FCRL5: variants seen among roughly 807,000 people sequenced by gnomAD.
FCRL5 encodes Fc receptor like 5.
Under a neutral mutation model 92.1 loss-of-function variants are expected in FCRL5, and 79 were observed. The ratio of observed to expected loss-of-function variants is 0.86; its 90% confidence interval spans 0.72 to 1.03. FCRL5 has a LOEUF of 1.03. FCRL5 is among the 50% of genes least tolerant of loss of function. The probability of loss-of-function intolerance (pLI) is 0.00; values close to 1 mark genes in which losing one functional copy is unlikely to be tolerated. For missense variants in FCRL5, 1,160 were observed against 1,181.1 expected (o/e 0.98, Z 0.26); for synonymous variants, 466 against 469.3 (o/e 0.99, Z 0.09).
chr1:157,523,334 G>A (rs1365450507), intron 10 of FCRL5, among the ~76,000 whole-genome samples: 1 of 152,188 alleles, frequency 6.6e-6, no homozygotes, highest in Non-Finnish European at 1.5e-5. Flanking sequence ...CTGTACGTCT[G>A]CATAATCCAT....
chr1:157,549,476 G>A lies in FCRL5; in HGVS notation c.52+84C>T, dbSNP rs148662860. On this transcript the variant is annotated intron_variant, in intron 2 of 16. Transcript: ENST00000361835. Reference sequence around the variant, plus strand: ...AAACAGGAGATATTGGAGATCTCAGGCAGCCATCACAAATGTTTTCTATTT... The same window carrying A: ...AAACAGGAGATATTGGAGATCTCAGACAGCCATCACAAATGTTTTCTATTT... 8,226 of 1,248,550 alleles carry A rather than the reference G, an allele frequency of 6.6e-3. 124 individuals carry two copies. Among genetic ancestry groups the A allele is most frequent in the South Asian group, 0.036 (2,713 of 75,460 alleles). 77.3% of individuals were successfully genotyped at this position (1,248,550 alleles called of 1,614,324 possible). A position where few individuals can be genotyped will look rare whatever the true frequency, so the allele number is the denominator to read the frequency against.
At chr1:157,548,742 A>C (rs1367023638) in intron 2 of FCRL5, among the ~76,000 whole-genome samples, 5 of 152,322 alleles carry the variant, frequency 3.3e-5, no homozygotes, top group South Asian at 2.1e-4. Context: ...GAGATACCAT[A>C]TCACACCAGT....
chr1:157,519,473 C>T (rs1650079830), intron 13 of FCRL5, among the ~76,000 whole-genome samples: 1 of 152,160 alleles, frequency 6.6e-6, no homozygotes, highest in African/African-American at 2.4e-5. Context: ...ATTCAGACAA[C>T]CAAGCCAACA....
chr1:157,548,817 A>G (rs1323204116), intron 2 of FCRL5, among the ~76,000 whole-genome samples: 1 of 152,224 alleles, frequency 6.6e-6, no homozygotes, highest in African/African-American at 2.4e-5. Context: ...AGAAATAGGA[A>G]CACTTTTACA....
chr1:157,531,393 C>T (rs1202306518), intron 8 of FCRL5, among the ~76,000 whole-genome samples: 9 of 152,064 alleles, frequency 5.9e-5, no homozygotes, highest in Admixed American at 3.3e-4. Context: ...GTACAGCCAC[C>T]ACAAGAAACA....
At chr1:157,519,392 T>C (rs1175793769) in intron 13 of FCRL5, among the ~76,000 whole-genome samples, 2 of 152,204 alleles carry the variant, frequency 1.3e-5, no homozygotes, top group African/African-American at 4.8e-5. Flanking sequence ...GATCAGCATC[T>C]CCAGAGATTT....
rs1164393632 is a variant in FCRL5 at position 157,515,448 on chromosome 1, C to G, written c.*227G>C. 10 of 803,898 alleles carry G rather than the reference C, an allele frequency of 1.2e-5. No individual in the cohort carries two copies. In the East Asian group the frequency reaches 2.8e-4, roughly 23 times the overall value. 49.8% of individuals were successfully genotyped at this position (803,898 alleles called of 1,614,324 possible). On this transcript the variant is annotated 3_prime_UTR_variant, in exon 17 of 17. Transcript: ENST00000361835. The stretch of plus-strand genomic sequence containing the variant: ...TGTGCTGGGCCCTGGAGTGGGAGCA[C>G]CTTGCCACTGGATTAAAAAACCTGC...
Position 157,527,690 on chromosome 1 carries a change from A to C in FCRL5, c.1887T>G (p.Ser629=). The change falls in exon 9 of 17, where the codon TCT becomes TCG. Residue 629 remains serine (S), a synonymous_variant. Coordinates refer to ENST00000361835, the MANE Select transcript of FCRL5 (RefSeq NM_031281.3). ...SFNLSLTAEH[S]GNYSCEANNG... ...TGTTGGCCTCACATGAGTAGTTTCC[A>C]GAATGTTCTGCAGTCAGAGAGAGGT... The C allele has an allele frequency of 6.2e-7, 1 of 1,614,218 alleles. No homozygotes were observed. Among genetic ancestry groups the C allele is most frequent in the Non-Finnish European group, 8.5e-7 (1 of 1,180,012 alleles).
intron 9 of FCRL5, among the ~76,000 whole-genome samples, 196 bp downstream of exon 9, chr1:157,527,421 T>C (rs1309480839): frequency 2.0e-5 from 3 of 152,170 alleles, no homozygotes; most frequent in Non-Finnish European, 4.4e-5. Context: ...GCAGGAAAAG[T>C]ACAGCAAGGG....
chr1:157,520,602 C>T, intron 11 of FCRL5, 55 bp from the exon 12 acceptor site: 1 of 1,395,258 alleles, frequency 7.2e-7, no homozygotes. Context: ...CTGGAACTGC[C>T]CGCTCCCGGA....
At chr1:157,520,321 G>A (rs1252194790) in intron 12 of FCRL5, 110 bp downstream of exon 12, 2 of 739,980 alleles carry the variant, frequency 2.7e-6, no homozygotes, top group African/African-American at 1.8e-5. Context: ...GAGGGACAGA[G>A]CGGATGAGCT....
chr1:157,517,742 C>A (rs554403532), intron 15 of FCRL5, among the ~76,000 whole-genome samples: 1 of 152,250 alleles, frequency 6.6e-6, no homozygotes, highest in African/African-American at 2.4e-5. Flanking sequence ...AATTTATGGT[C>A]ATTTGTCACA....
intron 1 of FCRL5, among the ~76,000 whole-genome samples, chr1:157,551,929 G>T (rs1329573842): frequency 2.6e-5 from 4 of 152,164 alleles, no homozygotes; most frequent in Non-Finnish European, 5.9e-5. Flanking sequence ...TGCCTCTTAT[G>T]CTGGGGACCA....
At chr1:157,547,894 A>T (rs1651632939) in intron 2 of FCRL5, among the ~76,000 whole-genome samples, 2 of 152,232 alleles carry the variant, frequency 1.3e-5, no homozygotes, top group Admixed American at 1.3e-4. Context: ...TGGGATGCAG[A>T]TAACTTGTCT....
At chr1:157,552,221 T>C in intron 1 of FCRL5, 111 bp downstream of exon 1, 1 of 1,058,660 alleles carries the variant, frequency 9.4e-7, no homozygotes, top group Non-Finnish European at 1.5e-6. Context: ...TCTCCTAATG[T>C]AGGAGAGAGT....
At chr1:157,545,360 C>T (rs1234866939) in intron 3 of FCRL5, among the ~76,000 whole-genome samples, 1 of 151,910 alleles carries the variant, frequency 6.6e-6, no homozygotes, top group African/African-American at 2.4e-5. Flanking sequence ...GGAGCTCATG[C>T]GTATTTCTTT....
rs769274846 is a variant in FCRL5 at position 157,524,525 on chromosome 1, C to T, written c.1993G>A (p.Ala665Thr). ...PVSRPILTFR[A>T]PRAQAVVGDL... Reference sequence around the variant, plus strand: ...CCCACCACAGCCTGGGCCCTGGGAGCCCTGAAGGTGAGGATGGGACGAGAT... The same window carrying T: ...CCCACCACAGCCTGGGCCCTGGGAGTCCTGAAGGTGAGGATGGGACGAGAT... The change falls in exon 10 of 17, where the codon GCT (alanine) becomes ACT (threonine). Residue 665 changes from alanine (A) to threonine (T), a missense_variant. Physicochemically the swap from Ala to Thr is moderately conservative, Grantham distance 58. Transcript: ENST00000361835. The T allele has an allele frequency of 4.3e-6, 7 of 1,612,258 alleles. No individual in the cohort carries two copies. The highest frequency in any genetic ancestry group is 1.7e-4 in the Middle Eastern group (1 of 6,044).
At position 157,518,312 on chromosome 1, in the gene FCRL5, AC is replaced by A. The variant is rs1414800098; in HGVS notation, c.2812+116del. On this transcript the variant is annotated intron_variant, in intron 15 of 16. Coordinates refer to ENST00000361835, the MANE Select transcript of FCRL5 (RefSeq NM_031281.3). ...TAGGCACACATAAAGAAGCCCCATG[AC>A]CCAGTGGGAGGGGCGGCTCTATGCC... 4.9e-6 allele frequency: 4 copies of A among 809,984 alleles called. No homozygotes were observed. The East Asian group carries it at 9.8e-5, about 20-fold the overall frequency. 50.2% of individuals were successfully genotyped at this position (809,984 alleles called of 1,614,324 possible).
Position 157,547,030 on chromosome 1 carries a change from T to C in FCRL5, c.220A>G (p.Ile74Val). The C allele has an allele frequency of 1.9e-6, 3 of 1,614,130 alleles. No individual in the cohort carries two copies. The highest frequency in any genetic ancestry group is 2.5e-6 in the Non-Finnish European group (3 of 1,179,986). Residue 74 changes from isoleucine (I) to valine (V), a missense_variant, in exon 3 of 17, where the codon ATC becomes GTC. By Grantham distance (29) the Ile-to-Val change is conservative (BLOSUM62 3). Coordinates refer to ENST00000361835, the MANE Select transcript of FCRL5 (RefSeq NM_031281.3). ...TCTCCAGATTCCTGAACCTCAAGGA[T>C]ATTGTCTGGGGTTTCTCTTAGTATT... ...KEILRETPDNILEVQESGEYR... is the reference protein window; with the variant it reads ...KEILRETPDNVLEVQESGEYR...
Sources: allele counts gnomAD v4.1 joint callset (sites outside exome capture counted in the v4.1 genomes callset), GRCh38; gene constraint gnomAD v4.1.1; transcripts MANE v1.5; gene names NCBI Gene and HGNC (gene_info 2026-07-23, HGNC 2026-07-21).